RALGPS1: variants seen among roughly 807,000 people sequenced by gnomAD.
RALGPS1 encodes the protein Ral GEF with PH domain and SH3 binding motif 1, also known as ras-specific guanine nucleotide-releasing factor RalGPS1.
A neutral mutation model predicts 78.8 loss-of-function variants in RALGPS1; 19 were observed. The observed-to-expected ratio is 0.24, with a 90% CI of 0.17 to 0.35. The LOEUF (loss-of-function observed/expected upper bound fraction) is 0.35. Among genes scored for constraint, RALGPS1 ranks in the 10% least tolerant of loss-of-function variants. The pLI is 1.00. For missense variants in RALGPS1, 454 were observed against 688.3 expected (o/e 0.66, Z 3.81); for synonymous variants, 228 against 256.3 (o/e 0.89, Z 1.06).
At chr9:127,006,923 TGAAAGGGA>T (rs1169680017) in intron 4 of RALGPS1, among the ~76,000 whole-genome samples, 1 of 151,236 alleles carries the variant, frequency 6.6e-6, no homozygotes, top group Non-Finnish European at 1.5e-5. Context: ...CTTTTGTGCA[TGAAAGGGA>T]GAGAGGGAGA....
At chr9:127,217,443 C>T (rs2062645148) in intron 18 of RALGPS1, 9 of 987,928 alleles carry the variant, frequency 9.1e-6, no homozygotes, top group Non-Finnish European at 1.1e-5. Context: ...TGCATCTATT[C>T]ACAAGGAAAC....
Position 127,183,789 on chromosome 9 carries a change from C to A in RALGPS1, c.910+9007C>A. ...TTTCGGAATGGATGGGTGGGAGGGG[C>A]CCTCCATGAGGACCTCAGGGATAGG... On this transcript the variant is annotated intron_variant, in intron 11 of 18. Coordinates refer to ENST00000259351, the MANE Select transcript of RALGPS1 (RefSeq NM_014636.3). The surrounding 1 kb of genome is among the most constrained non-coding windows in gnomAD (Gnocchi z 4.0). 3.1e-6 allele frequency: 4 copies of A among 1,273,080 alleles called. No individual in the cohort carries two copies. The highest frequency in any genetic ancestry group is 2.3e-5 in the Admixed American group (1 of 43,402). 78.9% of individuals were successfully genotyped at this position (1,273,080 alleles called of 1,614,324 possible). A position where few individuals can be genotyped will look rare whatever the true frequency, so the allele number is the denominator to read the frequency against.
chr9:127,094,072 C>T (rs963911803), intron 8 of RALGPS1: 18 of 802,206 alleles, frequency 2.2e-5, no homozygotes, highest in Admixed American at 2.9e-5. Flanking sequence ...TTTTGTTTTG[C>T]GAGTTTAATA....
At chr9:127,079,219 G>A (rs578160417) in intron 8 of RALGPS1, among the ~76,000 whole-genome samples, 118 of 152,294 alleles carry the variant, frequency 7.7e-4, no homozygotes, top group Non-Finnish European at 1.3e-3. Context: ...TCATGGGTGG[G>A]GACAGAGTGG....
At chr9:127,169,896 G>A (rs913499650) in intron 10 of RALGPS1, among the ~76,000 whole-genome samples, 2 of 152,094 alleles carry the variant, frequency 1.3e-5, no homozygotes, top group East Asian at 1.9e-4. Flanking sequence ...TATGGTGTTC[G>A]GTAGGTTAAA....
chr9:127,182,375 TCCC>T (rs1564738006), intron 11 of RALGPS1, among the ~76,000 whole-genome samples: 55 of 124,306 alleles, frequency 4.4e-4, no homozygotes, highest in South Asian at 2.9e-3. Context: ...CCTTCCTCCC[TCCC>T]TCCCTCCCTC....
At chr9:127,049,041 C>G (rs546453869) in intron 5 of RALGPS1, among the ~76,000 whole-genome samples, 2 of 152,322 alleles carry the variant, frequency 1.3e-5, no homozygotes, top group East Asian at 1.9e-4. Flanking sequence ...GTTTTATTAG[C>G]TCTGGAATAT....
At chr9:127,055,212 A>ATCTG (rs11281489) in intron 7 of RALGPS1, among the ~76,000 whole-genome samples, 21,197 of 151,032 alleles carry the variant, frequency 0.14, 2,275 homozygotes, top group East Asian at 0.52. Flanking sequence ...CTATCTATCT[A>ATCTG]TCTGTCTGTC....
intron 8 of RALGPS1, among the ~76,000 whole-genome samples, chr9:127,154,479 T>G (rs950311220): frequency 6.6e-6 from 1 of 152,368 alleles, no homozygotes; most frequent in African/African-American, 2.4e-5. Flanking sequence ...ATCAGATGCC[T>G]TCTTCCTTCC....
chr9:127,085,586 T>C (rs529157987), intron 8 of RALGPS1, among the ~76,000 whole-genome samples: 171 of 152,328 alleles, frequency 1.1e-3, no homozygotes, highest in Middle Eastern at 3.4e-3. Flanking sequence ...TCCTTCTATA[T>C]AGCCTGGGTG....
chr9:127,092,075 C>T, intron 8 of RALGPS1: 1 of 1,015,960 alleles, frequency 9.8e-7, no homozygotes, highest in South Asian at 1.5e-5. Context: ...GGTTCAGACC[C>T]CTACTCCACC....
chr9:127,209,905 TGTC>T (rs556489250), intron 14 of RALGPS1, among the ~76,000 whole-genome samples: 170 of 152,350 alleles, frequency 1.1e-3, no homozygotes, highest in Admixed American at 1.8e-3. Context: ...ATTACATTGT[TGTC>T]TGGCCAACGG....
intron 8 of RALGPS1, among the ~76,000 whole-genome samples, chr9:127,162,957 T>G (rs1239243275): frequency 6.6e-6 from 1 of 152,200 alleles, no homozygotes; most frequent in Non-Finnish European, 1.5e-5. Flanking sequence ...TTTCTTAATC[T>G]CTTTGAGCTT....
intron 4 of RALGPS1, among the ~76,000 whole-genome samples, chr9:126,982,383 GT>G (rs1298616829): frequency 1.3e-5 from 2 of 152,162 alleles, no homozygotes; most frequent in Non-Finnish European, 2.9e-5. Context: ...ACCTCTCTAA[GT>G]TTTGGTTTCC....
intron 11 of RALGPS1, chr9:127,178,269 G>T (rs1457050938): frequency 8.5e-6 from 3 of 353,522 alleles, no homozygotes; most frequent in African/African-American, 4.3e-5. Flanking sequence ...GGGGGCAAGG[G>T]GTCCAGGAGA....
In RALGPS1 at chr9:127,091,637, C is replaced by T. The variant is rs1230239236; in HGVS notation, c.610+22281C>T. 2 of 1,602,132 alleles carry T rather than the reference C, an allele frequency of 1.2e-6. No individual in the cohort carries two copies. The highest frequency in any genetic ancestry group is 1.7e-5 in the Admixed American group (1 of 59,690). On this transcript the variant is annotated intron_variant, in intron 8 of 18. Coordinates refer to ENST00000259351, the MANE Select transcript of RALGPS1 (RefSeq NM_014636.3). This position sits in a 1 kb window ranked among gnomAD's most constrained non-coding sequence, Gnocchi z 4.3. ...GGCTCTGGTTGACCTCTTTTCCCTA[C>T]CCTGCACCTGGGTTTGACTCCACTT...
chr9:127,166,187 A>T lies in RALGPS1; in HGVS notation c.729A>T (p.Leu243Phe). 1.9e-6 allele frequency: 3 copies of T among 1,613,540 alleles called. No homozygotes were observed. Among genetic ancestry groups the T allele is most frequent in the Non-Finnish European group, 2.5e-6 (3 of 1,179,884 alleles). ...MNNILRIIAD[L>F]QVSCSYDHLT... is the part of the protein sequence containing the mutation. ...ATATTCTTCGAATAATTGCTGATTT[A>T]CAAGTTTCCTGCAGCTATGGTTAGT... The change falls in exon 9 of 19, where the codon TTA (leucine) becomes TTT (phenylalanine). Residue 243 changes from leucine (L) to phenylalanine (F), a missense_variant. Leu to Phe is a conservative substitution (Grantham distance 22). Coordinates refer to ENST00000259351, the MANE Select transcript of RALGPS1 (RefSeq NM_014636.3).
At chr9:127,092,061 ACCTGGTTCAGAC>A in intron 8 of RALGPS1, 1 of 1,251,110 alleles carries the variant, frequency 8.0e-7, no homozygotes. Flanking sequence ...CATGAAGCAG[ACCTGGTTCAGAC>A]CCCTACTCCA....
chr9:126,957,502 G>T (rs2038457187), intron 1 of RALGPS1, among the ~76,000 whole-genome samples: 1 of 152,126 alleles, frequency 6.6e-6, no homozygotes, highest in African/African-American at 2.4e-5. Flanking sequence ...CTTCCATTTG[G>T]TCTCCTGTGG....
Sources: gnomAD v4.1 joint callset for allele counts (sites outside exome capture counted in the v4.1 genomes callset) on GRCh38, gnomAD v4.1.1 for gene constraint, Gnocchi (gnomAD v3.1) non-coding constraint, MANE v1.5 for transcripts, NCBI Gene and HGNC (gene_info 2026-07-23, HGNC 2026-07-21) for gene names.